CYB561A3: variants seen among roughly 807,000 people sequenced by gnomAD.
The protein encoded by CYB561A3 is lysosomal membrane ascorbate-dependent ferrireductase CYB561A3.
CYB561A3 carries 16 observed loss-of-function variants against 25.3 expected under a neutral mutation model. The ratio of observed to expected loss-of-function variants is 0.63; its 90% CI spans 0.43 to 0.96. The LOEUF (loss-of-function observed/expected upper bound fraction) is 0.96, where lower values mean the gene tolerates loss of function less well. Ranked by LOEUF, CYB561A3 falls within the 40% of genes least tolerant of loss-of-function variation. The pLI is 0.00. For synonymous variants in CYB561A3, 131 were observed against 129.9 expected, an observed-to-expected ratio of 1.01 and a Z score of -0.06; for missense variants, 219 against 307.5, an observed-to-expected ratio of 0.71 and a Z score of 2.15.
Position 61,350,101 on chromosome 11 carries a change from A to G in CYB561A3, c.*298T>C. 1 of 563,618 alleles carries G rather than the reference A, an allele frequency of 1.8e-6. No homozygotes were observed. Among genetic ancestry groups the G allele is most frequent in the Non-Finnish European group, 3.2e-6 (1 of 315,948 alleles). 34.9% of individuals were successfully genotyped at this position (563,618 alleles called of 1,614,324 possible). A position where few individuals can be genotyped will look rare whatever the true frequency, so the allele number is the denominator to read the frequency against. On this transcript the variant is annotated 3_prime_UTR_variant, in exon 7 of 7. Coordinates refer to ENST00000294072, the MANE Select transcript of CYB561A3 (RefSeq NM_153611.6). ...AAGCCAAAGCCACCAAGGAAAGCAGACAGGCAGCAAGCAGCCAGAGAAGGC... is the reference window on the plus strand; with the variant it reads ...AAGCCAAAGCCACCAAGGAAAGCAGGCAGGCAGCAAGCAGCCAGAGAAGGC...
chr11:61,356,400 G>A lies in CYB561A3; in HGVS notation c.184+130C>T, dbSNP rs549614981. 3.1e-6 allele frequency: 3 copies of A among 980,426 alleles called. No individual in the cohort carries two copies. The Admixed American group carries it at 8.5e-5, about 28-fold the overall frequency. 60.7% of individuals were successfully genotyped at this position (980,426 alleles called of 1,614,324 possible). A position where few individuals can be genotyped will look rare whatever the true frequency, so the allele number is the denominator to read the frequency against. On this transcript the variant is annotated intron_variant, in intron 3 of 6. Coordinates refer to ENST00000294072, the MANE Select transcript of CYB561A3 (RefSeq NM_153611.6). The stretch of plus-strand genomic sequence containing the variant: ...CTCCCCCAAATGACAGCTAGGCCCA[G>A]AGACAGCCCAACCCACCCTACCCCC...
chr11:61,354,335 C>T (rs1016503342), intron 3 of CYB561A3: 1 of 281,158 alleles, frequency 3.6e-6, no homozygotes, highest in Non-Finnish European at 6.8e-6. Context: ...CTAGCCTGGG[C>T]CACAGAGAGA....
intron 4 of CYB561A3, 38 bp from the exon 5 acceptor site, chr11:61,353,177 G>T: frequency 6.4e-7 from 1 of 1,554,594 alleles, no homozygotes; most frequent in Non-Finnish European, 8.7e-7. Flanking sequence ...ACTGTGCTAT[G>T]TGTGACCAAA....
intron 1 of CYB561A3, chr11:61,360,004 G>C (rs1362538130): frequency 6.6e-6 from 1 of 152,028 alleles, no homozygotes; most frequent in Non-Finnish European, 1.5e-5. Flanking sequence ...CTGTGCAACA[G>C]AGATAGACTC....
In CYB561A3 at chr11:61,350,991, C is replaced by G; in HGVS notation, c.705G>C (p.Gln235His). The part of the protein sequence containing the change: ...RPEPGILTDR[Q>H]PLLHDGE ...TGGAATGTGGGACTGGAACCCATAC[C>G]TGTCTGTCGGTCAGGATCCCCGGCT... Residue 235 changes from glutamine (Q) to histidine (H), a missense_variant and splice_region_variant, in exon 6 of 7, where the codon CAG (glutamine) becomes CAC (histidine). Transcript: ENST00000294072. 6.2e-7 allele frequency: 1 copy of G among 1,613,026 alleles called. No homozygotes were observed. The highest frequency in any genetic ancestry group is 8.5e-7 in the Non-Finnish European group (1 of 1,179,504).
intron 1 of CYB561A3, chr11:61,360,160 T>G (rs935139941): frequency 1.4e-4 from 21 of 152,012 alleles, no homozygotes; most frequent in African/African-American, 4.8e-4. Flanking sequence ...GAGGATGGCT[T>G]GAGCCCAGGA....
intron 1 of CYB561A3, chr11:61,359,340 TAACTC>T (rs1330894414): frequency 6.6e-6 from 1 of 152,078 alleles, no homozygotes; most frequent in East Asian, 1.9e-4. Context: ...CTCAACTACT[TAACTC>T]AGAGATTTGC....
chr11:61,356,735 G>A lies in CYB561A3; in HGVS notation c.-15-7C>T. On this transcript the variant is annotated splice_polypyrimidine_tract_variant and splice_region_variant and intron_variant, in intron 2 of 6. Transcript: ENST00000294072. ...CCATTCTGATCACGCACTCCTAGAA[G>A]AAGGAGAAGTCACAAATCTCCACTG... 1 of 1,611,906 alleles carries A rather than the reference G, an allele frequency of 6.2e-7. No homozygotes were observed. The highest frequency in any genetic ancestry group is 8.5e-7 in the Non-Finnish European group (1 of 1,178,494).
chr11:61,349,931 C>A lies in CYB561A3; in HGVS notation c.*468G>T. 2.0e-6 allele frequency: 1 copy of A among 495,102 alleles called. No homozygotes were observed. Among genetic ancestry groups the A allele is most frequent in the South Asian group, 2.2e-5 (1 of 46,442 alleles). The allele number at this position is 495,102 out of a possible 1,614,324, so 30.7% of individuals were successfully genotyped here. On this transcript the variant is annotated 3_prime_UTR_variant, in exon 7 of 7. Transcript: ENST00000294072. ...CTCATGTTTCACACCGTGGACTGCA[C>A]TTGAGTCCCAGCTCTTCACCACATC...
At position 61,353,856 on chromosome 11, in the gene CYB561A3, A is replaced by G; in HGVS notation, c.321T>C (p.His107=). ...GLVAVFTFHN[H]GRTANLYSLH... ...GGGAGTAGAGGTTGGCAGTCCTTCC[A>G]TGGTTGTGAAACGTAAAGACAGCAA... is the stretch of plus-strand genomic sequence containing the variant. Residue 107 remains histidine, a synonymous_variant, in exon 4 of 7, where the codon CAT becomes CAC. Transcript: ENST00000294072. 1.2e-6 allele frequency: 2 copies of G among 1,614,222 alleles called. No individual in the cohort carries two copies. The highest frequency in any genetic ancestry group is 2.2e-5 in the East Asian group (1 of 44,882).
At chr11:61,361,377 G>A (rs994656057) in intron 1 of CYB561A3, 1 of 152,168 alleles carries the variant, frequency 6.6e-6, no homozygotes, top group Non-Finnish European at 1.5e-5. Flanking sequence ...TTACCCCTTA[G>A]CACCGGAATA....
At chr11:61,352,947 C>T (rs377729009) in intron 5 of CYB561A3, 38 bp downstream of exon 5, 3 of 1,614,092 alleles carry the variant, frequency 1.9e-6, no homozygotes, top group Non-Finnish European at 2.5e-6. Context: ...CCTATTCCCT[C>T]CTCTTCACCT....
chr11:61,351,148 C>CT lies in CYB561A3; in HGVS notation c.549-2dup, dbSNP rs777581428. ...GTGGTATGGCCTGGTGGTGTTTTTC[C>CT]TGAAGATGACAAAACAATGTGAGCC... On this transcript the variant is annotated splice_acceptor_variant, in intron 5 of 6. Coordinates refer to ENST00000294072, the MANE Select transcript of CYB561A3 (RefSeq NM_153611.6). LOFTEE classifies it high-confidence loss of function. 13 of 1,606,186 alleles carry CT rather than the reference C, an allele frequency of 8.1e-6. No individual in the cohort carries two copies. Among genetic ancestry groups the CT allele is most frequent in the Non-Finnish European group, 1.1e-5 (13 of 1,177,052 alleles).
rs753048238 is a variant in CYB561A3 at position 61,351,138 on chromosome 11, G to A, written c.558C>T (p.Thr186=). The A allele has an allele frequency of 8.7e-6, 14 of 1,608,264 alleles. No individual in the cohort carries two copies. The South Asian group carries it at 1.6e-4, about 18-fold the overall frequency. Reference sequence around the variant, plus strand: ...TGGGCAGGCTGTGGTATGGCCTGGTGGTGTTTTTCCTGAAGATGACAAAAC... The same window carrying A: ...TGGGCAGGCTGTGGTATGGCCTGGTAGTGTTTTTCCTGAAGATGACAAAAC... The part of the protein sequence containing the change: ...NEKLFFSLKN[T]TRPYHSLPSE... Residue 186 remains threonine (T), a synonymous_variant, in exon 6 of 7, where the codon ACC becomes ACT. Coordinates refer to ENST00000294072, the MANE Select transcript of CYB561A3 (RefSeq NM_153611.6).
chr11:61,358,788 C>T (rs1034819425), intron 1 of CYB561A3: 1 of 152,234 alleles, frequency 6.6e-6, no homozygotes, highest in African/African-American at 2.4e-5. Context: ...ATCCTAACTA[C>T]TAACATGCAG....
At position 61,353,872 on chromosome 11, in the gene CYB561A3, A is replaced by G. The variant is rs1345919626; in HGVS notation, c.305T>C (p.Phe102Ser). 6.2e-7 allele frequency: 1 copy of G among 1,614,132 alleles called. No individual in the cohort carries two copies. ...VLTVVGLVAV[F>S]TFHNHGRTAN... is the part of the protein sequence containing the mutation. The stretch of plus-strand genomic sequence containing the variant: ...AGTCCTTCCATGGTTGTGAAACGTA[A>G]AGACAGCAACCAGCCCCACAACAGT... The change falls in exon 4 of 7, where the codon TTT (phenylalanine) becomes TCT (serine). Residue 102 changes from phenylalanine to serine, a missense_variant. Phe to Ser is a radical substitution (Grantham distance 155). Coordinates refer to ENST00000294072, the MANE Select transcript of CYB561A3 (RefSeq NM_153611.6).
intron 6 of CYB561A3, 127 bp downstream of exon 6, chr11:61,350,864 C>T (rs1443779267): frequency 2.9e-6 from 4 of 1,386,656 alleles, no homozygotes; most frequent in Non-Finnish European, 3.8e-6. Context: ...TAACTCCACC[C>T]TCAAGTTACT....
chr11:61,361,607 G>C (rs1416726792), intron 1 of CYB561A3, 126 bp downstream of exon 1: 1 of 152,244 alleles, frequency 6.6e-6, no homozygotes, highest in Non-Finnish European at 1.5e-5. Flanking sequence ...GCGGAGAAAG[G>C]TGCCCACTTT....
rs927449800 is a variant in CYB561A3, at chr11:61,351,037, G to A, written c.659C>T (p.Ala220Val). ...CGGCTCTGGGCGCTTCCAAGATGAA[G>A]CCAGAAGGATGTAGAGCACCAGCAG... ...FGLLVLYILL[A>V]SSWKRPEPGI... The change falls in exon 6 of 7, where the codon GCT becomes GTT. Residue 220 changes from alanine to valine, a missense_variant. Coordinates refer to ENST00000294072, the MANE Select transcript of CYB561A3 (RefSeq NM_153611.6). 5 of 1,614,030 alleles carry A rather than the reference G, an allele frequency of 3.1e-6. No homozygotes were observed. Among genetic ancestry groups the A allele is most frequent in the South Asian group, 1.1e-5 (1 of 91,072 alleles).
Sources: allele counts gnomAD v4.1 joint callset, GRCh38; gene constraint gnomAD v4.1.1; transcripts MANE v1.5; gene names NCBI Gene and HGNC (gene_info 2026-07-23, HGNC 2026-07-21).